The following CTIF variants were observed in gnomAD, a reference collection of about 807,000 sequenced individuals.
CTIF encodes CBP80/20-dependent translation initiation factor.
A neutral mutation model predicts 66.0 loss-of-function variants in CTIF; 21 were observed. The observed-to-expected ratio is 0.32, with a 90% CI of 0.23 to 0.46. CTIF has a LOEUF of 0.46. CTIF is among the 20% of genes least tolerant of loss of function. The pLI is 1.00. For synonymous variants in CTIF, 345 were observed against 326.4 expected, an observed-to-expected ratio of 1.06 and a Z score of -0.62; for missense variants, 739 against 812.7, an observed-to-expected ratio of 0.91 and a Z score of 1.10.
chr18:48,783,788 C>T (rs1011212872), intron 9 of CTIF, among the ~76,000 whole-genome samples: 2 of 152,164 alleles, frequency 1.3e-5, no homozygotes, highest in African/African-American at 4.8e-5. Context: ...CCGGGGGAAA[C>T]CTGCGGAGGC....
chr18:48,631,322 C>A (rs374735617), intron 2 of CTIF, among the ~76,000 whole-genome samples: 1 of 152,082 alleles, frequency 6.6e-6, no homozygotes, highest in Admixed American at 6.5e-5. Flanking sequence ...AAAAATTAAC[C>A]GGGTGTGGTG....
intron 3 of CTIF, among the ~76,000 whole-genome samples, chr18:48,663,055 G>A (rs1350922099): frequency 2.6e-5 from 4 of 152,148 alleles, no homozygotes; most frequent in South Asian, 2.1e-4. Context: ...GCGTGCACAC[G>A]TTCAGCTCAG....
intron 3 of CTIF, among the ~76,000 whole-genome samples, chr18:48,651,835 C>G (rs1305963081): frequency 6.6e-6 from 1 of 152,148 alleles, no homozygotes; most frequent in East Asian, 1.9e-4. Context: ...CACAACTACA[C>G]AGAAACTGAA....
intron 1 of CTIF, among the ~76,000 whole-genome samples, chr18:48,616,477 C>T (rs2090402226): frequency 6.6e-6 from 1 of 152,160 alleles, no homozygotes; most frequent in African/African-American, 2.4e-5. Flanking sequence ...CTGAGCAGGC[C>T]ACCAGGAGTG....
At chr18:48,836,713 C>T (rs893423679) in intron 10 of CTIF, among the ~76,000 whole-genome samples, 5 of 152,258 alleles carry the variant, frequency 3.3e-5, no homozygotes, top group Admixed American at 1.3e-4. Flanking sequence ...CTCCACTCCT[C>T]TCCTCTTTGC....
rs547681773 is a variant in CTIF, at chr18:48,849,236, C to G, written c.1528-8352C>G. The stretch of plus-strand genomic sequence containing the variant: ...TTTTTGAGACAGAGTCTTACTCTGT[C>G]GGTCAGGCAGGAGTGCAGTCGTGAG... On this transcript the variant is annotated intron_variant, in intron 10 of 11. Coordinates refer to ENST00000256413, the MANE Select transcript of CTIF (RefSeq NM_014772.3). 3.9e-5 allele frequency among the ~76,000 whole-genome samples: 5 copies of G among 127,630 alleles called. No individual in the cohort carries two copies. The South Asian group carries it at 7.5e-4, about 19-fold the overall frequency. 83.7% of individuals were successfully genotyped at this position (127,630 alleles called of 152,430 possible). A position where few individuals can be genotyped will look rare whatever the true frequency, so the allele number is the denominator to read the frequency against.
chr18:48,590,264 G>T (rs962068873), intron 1 of CTIF, among the ~76,000 whole-genome samples: 1 of 152,186 alleles, frequency 6.6e-6, no homozygotes, highest in Non-Finnish European at 1.5e-5. Flanking sequence ...GCCAGAAAGG[G>T]CAGAACACTG....
rs1187853414 is a variant in CTIF at position 48,860,254 on chromosome 18, T to G, written c.*695T>G. 1 of 308,676 alleles carries G rather than the reference T, an allele frequency of 3.2e-6. No individual in the cohort carries two copies. The highest frequency in any genetic ancestry group is 6.4e-6 in the Non-Finnish European group (1 of 155,958). The allele number at this position is 308,676 out of a possible 1,614,324, so 19.1% of individuals were successfully genotyped here. A position where few individuals can be genotyped will look rare whatever the true frequency, so the allele number is the denominator to read the frequency against. ...GTTCCACTTGCACTCTTTTGTTTAT[T>G]GTGTTTTATTTTTCAAAAGTCGGTT... On this transcript the variant is annotated 3_prime_UTR_variant, in exon 12 of 12. Coordinates refer to ENST00000256413, the MANE Select transcript of CTIF (RefSeq NM_014772.3).
At chr18:48,754,014 A>G (rs531589178) in intron 7 of CTIF, among the ~76,000 whole-genome samples, 82 of 152,326 alleles carry the variant, frequency 5.4e-4, no homozygotes, top group Non-Finnish European at 9.6e-4. Flanking sequence ...CCGCTGACAA[A>G]TATTTGTGAA....
At chr18:48,614,143 C>A (rs1011128147) in intron 1 of CTIF, among the ~76,000 whole-genome samples, 3 of 152,176 alleles carry the variant, frequency 2.0e-5, no homozygotes, top group African/African-American at 7.2e-5. Context: ...CTCAGCTTAG[C>A]CAGCAGCCCA....
intron 7 of CTIF, among the ~76,000 whole-genome samples, chr18:48,739,262 A>G (rs1284564589): frequency 2.0e-5 from 3 of 152,204 alleles, no homozygotes; most frequent in Non-Finnish European, 4.4e-5. Flanking sequence ...GAGTTAGCAC[A>G]GGCCACAGTG....
At chr18:48,619,207 C>T (rs1228444588) in intron 1 of CTIF, among the ~76,000 whole-genome samples, 4 of 152,166 alleles carry the variant, frequency 2.6e-5, no homozygotes, top group Non-Finnish European at 2.9e-5. Flanking sequence ...TGAGGCTTGG[C>T]CTGTAGGCTG....
At chr18:48,832,587 C>T (rs2068716822) in intron 10 of CTIF, among the ~76,000 whole-genome samples, 2 of 152,202 alleles carry the variant, frequency 1.3e-5, no homozygotes, top group Admixed American at 1.3e-4. Flanking sequence ...CCTCTCCTCA[C>T]AGCAGCTCGA....
chr18:48,650,399 T>C (rs4939554), intron 3 of CTIF, among the ~76,000 whole-genome samples: 87,581 of 151,666 alleles, frequency 0.58, 28,362 homozygotes, highest in East Asian at 0.85. Context: ...ATCAAATCAA[T>C]GAAATAAAGT....
chr18:48,545,955 C>A (rs1303457480), intron 1 of CTIF, among the ~76,000 whole-genome samples: 1 of 152,110 alleles, frequency 6.6e-6, no homozygotes, highest in East Asian at 1.9e-4. Context: ...CAGCGACAGC[C>A]AAGAGCGTGT....
intron 6 of CTIF, among the ~76,000 whole-genome samples, chr18:48,698,446 C>G (rs1422097804): frequency 1.3e-5 from 2 of 152,162 alleles, no homozygotes; most frequent in Non-Finnish European, 2.9e-5. Context: ...CTCCTGGGTT[C>G]CAGTGATTCT....
chr18:48,813,216 T>C (rs2068296972), intron 9 of CTIF, among the ~76,000 whole-genome samples: 1 of 152,264 alleles, frequency 6.6e-6, no homozygotes, highest in Non-Finnish European at 1.5e-5. Flanking sequence ...ACACTTCATT[T>C]CAGCCTGAGA....
intron 7 of CTIF, among the ~76,000 whole-genome samples, chr18:48,733,610 A>G (rs969277064): frequency 1.3e-5 from 2 of 152,192 alleles, no homozygotes; most frequent in Non-Finnish European, 2.9e-5. Flanking sequence ...CAGTGTCTGG[A>G]GACAGTGTGG....
chr18:48,670,313 T>C (rs1039642403), intron 5 of CTIF, among the ~76,000 whole-genome samples: 3 of 152,116 alleles, frequency 2.0e-5, no homozygotes, highest in Non-Finnish European at 4.4e-5. Context: ...CTTGAGAAAG[T>C]TGCTTGGTGT....
Sources: allele counts gnomAD v4.1 joint callset (sites outside exome capture counted in the v4.1 genomes callset), GRCh38; gene constraint gnomAD v4.1.1; transcripts MANE v1.5; gene names NCBI Gene and HGNC (gene_info 2026-07-23, HGNC 2026-07-21).